STK24: variants seen among roughly 807,000 people sequenced by gnomAD.
STK24 encodes the protein serine/threonine-protein kinase 24.
A neutral mutation model predicts 55.6 loss-of-function variants in STK24; 21 were observed. The ratio of observed to expected loss-of-function variants is 0.38; its 90% confidence interval spans 0.27 to 0.54. The LOEUF is 0.54. STK24 is among the 20% of genes least tolerant of loss of function. STK24 has a pLI of 0.79. For synonymous variants in STK24, 200 were observed against 215.2 expected (o/e 0.93, Z 0.62); for missense variants, 383 against 538.4 (o/e 0.71, Z 2.86).
At chr13:98,479,117 T>C (rs572538811) in intron 3 of STK24, among the ~76,000 whole-genome samples, 184 of 152,296 alleles carry the variant, frequency 1.2e-3, no homozygotes, top group African/African-American at 4.4e-3. Flanking sequence ...GCATTTAAGT[T>C]AGGGTGTCTT....
intron 1 of STK24, among the ~76,000 whole-genome samples, chr13:98,563,152 A>G (rs1159285907): frequency 6.6e-6 from 1 of 152,112 alleles, no homozygotes; most frequent in African/African-American, 2.4e-5. Flanking sequence ...TGTTTAAACT[A>G]TGTGATCACT....
At chr13:98,527,528 T>C (rs544688870) in intron 1 of STK24, among the ~76,000 whole-genome samples, 2 of 152,214 alleles carry the variant, frequency 1.3e-5, no homozygotes, top group Admixed American at 1.3e-4. Context: ...GAGGGAGCCC[T>C]GACACAGAGG....
Position 98,446,095 on chromosome 13 carries a change from C to T in STK24, c.*7078G>A, listed in dbSNP as rs74454775. 339 of 1,609,214 alleles carry T rather than the reference C, an allele frequency of 2.1e-4. No individual in the cohort carries two copies. In the African/African-American group the frequency reaches 4.1e-3, roughly 20 times the overall value. On this transcript the variant is annotated 3_prime_UTR_variant, in exon 11 of 11. Coordinates refer to ENST00000539966, the MANE Select transcript of STK24 (RefSeq NM_001032296.4). The stretch of plus-strand genomic sequence containing the variant: ...GCTTCTCACAGGCCTCCTTGCCTTT[C>T]AGAATCAGTTGTCTGGAAACCTGCT...
intron 2 of STK24, among the ~76,000 whole-genome samples, chr13:98,518,641 G>A (rs1288984231): frequency 6.6e-6 from 1 of 152,196 alleles, no homozygotes; most frequent in Non-Finnish European, 1.5e-5. Context: ...ATGGTTCCAT[G>A]CAGGATCAGA....
chr13:98,550,758 A>G (rs1429359659), intron 1 of STK24, among the ~76,000 whole-genome samples: 2 of 152,166 alleles, frequency 1.3e-5, no homozygotes, highest in African/African-American at 2.4e-5. Context: ...TTTTGCATAA[A>G]CTCTCTTGTT....
chr13:98,570,256 G>C (rs527582277), intron 1 of STK24, among the ~76,000 whole-genome samples: 37 of 152,120 alleles, frequency 2.4e-4, no homozygotes, highest in African/African-American at 7.0e-4. Context: ...GGCTGCCCTC[G>C]GGGAATAAGA....
chr13:98,446,996 G>A lies in STK24; in HGVS notation c.*6177C>T. 5 of 640,234 alleles carry A rather than the reference G, an allele frequency of 7.8e-6. No homozygotes were observed. The highest frequency in any genetic ancestry group is 1.3e-5 in the Non-Finnish European group (5 of 374,706). The allele number at this position is 640,234 out of a possible 1,614,324, so 39.7% of individuals were successfully genotyped here. ...CGATTCTGTTCTCATGGCAGAAAGT[G>A]GGGTCCCAACTTCCCTGCGCCCTTA... On this transcript the variant is annotated 3_prime_UTR_variant, in exon 11 of 11. Transcript: ENST00000539966.
intron 6 of STK24, among the ~76,000 whole-genome samples, chr13:98,465,797 T>TA (rs1893906003): frequency 6.6e-6 from 1 of 152,150 alleles, no homozygotes; most frequent in Admixed American, 6.5e-5. Flanking sequence ...ACACACACAC[T>TA]ACTTTCAAAG....
At chr13:98,473,779 G>A (rs1894257841) in intron 5 of STK24, among the ~76,000 whole-genome samples, 2 of 152,238 alleles carry the variant, frequency 1.3e-5, no homozygotes, top group African/African-American at 2.4e-5. Context: ...TCCTCCCAAG[G>A]TGGAACCAGG....
intron 9 of STK24, among the ~76,000 whole-genome samples, chr13:98,459,767 G>C (rs1893623208): frequency 1.3e-5 from 2 of 152,368 alleles, no homozygotes; most frequent in South Asian, 4.1e-4. Context: ...CAAGAAAAGA[G>C]GGGACTTCCA....
chr13:98,460,331 C>T, intron 9 of STK24, 41 bp downstream of exon 9: 1 of 1,557,526 alleles, frequency 6.4e-7, no homozygotes, highest in Non-Finnish European at 8.8e-7. Context: ...CTTCTCCTTC[C>T]CCCTCCCCTC....
chr13:98,573,566 T>C (rs1321271486), intron 1 of STK24, among the ~76,000 whole-genome samples: 8 of 152,216 alleles, frequency 5.3e-5, no homozygotes, highest in Non-Finnish European at 1.0e-4. Flanking sequence ...AATGGTAACC[T>C]CATTCAGATC....
rs76024687 is a variant in STK24, at chr13:98,461,056, G to A, written c.1054-616C>T. Among the ~76,000 whole-genome samples, 33 of 97,870 alleles carry A rather than the reference G, an allele frequency of 3.4e-4. No individual in the cohort carries two copies. In the South Asian group the frequency reaches 5.4e-3, roughly 16 times the overall value. 64.2% of individuals were successfully genotyped at this position (97,870 alleles called of 152,430 possible). A position where few individuals can be genotyped will look rare whatever the true frequency, so the allele number is the denominator to read the frequency against. Reference sequence around the variant, plus strand: ...GAGACCCCGTCTCAAAAAAAAAAAAGAGAGAGAGAGAGAGAGAGAGAAAAG... The same window carrying A: ...GAGACCCCGTCTCAAAAAAAAAAAAAAGAGAGAGAGAGAGAGAGAGAAAAG... On this transcript the variant is annotated intron_variant, in intron 8 of 10. Coordinates refer to ENST00000539966, the MANE Select transcript of STK24 (RefSeq NM_001032296.4).
chr13:98,548,841 G>A (rs549072919), intron 1 of STK24, among the ~76,000 whole-genome samples: 4 of 120,262 alleles, frequency 3.3e-5, no homozygotes, highest in South Asian at 5.5e-4. Flanking sequence ...CAGCCCAGGC[G>A]ACAGAGTGAG....
chr13:98,538,399 ATT>A (rs1353951300), intron 1 of STK24, among the ~76,000 whole-genome samples: 1 of 151,764 alleles, frequency 6.6e-6, no homozygotes, highest in Non-Finnish European at 1.5e-5. Context: ...TAATTTCTGT[ATT>A]TTTAGTAGAG....
intron 1 of STK24, among the ~76,000 whole-genome samples, chr13:98,558,323 C>T (rs562074432): frequency 6.6e-6 from 1 of 152,204 alleles, no homozygotes; most frequent in Non-Finnish European, 1.5e-5. Context: ...AATACTTTCC[C>T]AGCATCCAGC....
chr13:98,571,038 G>C (rs765773049), intron 1 of STK24, among the ~76,000 whole-genome samples: 3 of 152,144 alleles, frequency 2.0e-5, no homozygotes, highest in Non-Finnish European at 4.4e-5. Flanking sequence ...CTTCCTGCAG[G>C]TAAGGAGCTT....
chr13:98,485,155 C>T (rs1223171790), intron 2 of STK24, among the ~76,000 whole-genome samples: 3 of 152,146 alleles, frequency 2.0e-5, no homozygotes, highest in Non-Finnish European at 4.4e-5. Flanking sequence ...TAGACAGAGC[C>T]GACTCATCAA....
chr13:98,512,719 C>CAA (rs139981629), intron 2 of STK24, among the ~76,000 whole-genome samples: 2 of 151,962 alleles, frequency 1.3e-5, no homozygotes, highest in South Asian at 2.1e-4. Context: ...ACAAAACATG[C>CAA]AAAAAACATG....
Sources: allele counts gnomAD v4.1 joint callset (sites outside exome capture counted in the v4.1 genomes callset), GRCh38; gene constraint gnomAD v4.1.1; transcripts MANE v1.5; gene names NCBI Gene and HGNC (gene_info 2026-07-23, HGNC 2026-07-21).